IP6K2: variants seen among roughly 807,000 people sequenced by gnomAD.
IP6K2 encodes the protein ATP:1D-myo-inositol-hexakisphosphate phosphotransferase.
In IP6K2, 9 loss-of-function variants were observed where a neutral mutation model predicts 43.3. The observed-to-expected ratio is 0.21, with a 90% confidence interval of 0.13 to 0.36. The LOEUF (loss-of-function observed/expected upper bound fraction) is 0.36. IP6K2 is among the 10% of genes least tolerant of loss of function. IP6K2 has a pLI of 1.00. For missense variants in IP6K2, 332 were observed against 538.4 expected (o/e 0.62, Z 3.79); for synonymous variants, 209 against 202.4 (o/e 1.03, Z -0.28).
At chr3:48,705,800 C>T (rs896906891) in intron 1 of IP6K2, among the ~76,000 whole-genome samples, 1 of 146,646 alleles carries the variant, frequency 6.8e-6, no homozygotes, top group Non-Finnish European at 1.5e-5. Flanking sequence ...CCCAGGAGTT[C>T]GAGACCAGCC....
chr3:48,694,287 C>G, intron 2 of IP6K2: 3 of 1,551,486 alleles, frequency 1.9e-6, no homozygotes, highest in Non-Finnish European at 1.7e-6. Context: ...CCCCAACTCC[C>G]CCATCCCCAC....
rs776248772 is a variant in IP6K2 at position 48,688,630 on chromosome 3, G to C, written c.924C>G (p.Leu308=). The change falls in exon 6 of 6, where the codon CTC becomes CTG. Residue 308 remains leucine (L), a synonymous_variant. Transcript: ENST00000328631. The surrounding 1 kb of genome is among the most constrained non-coding windows in gnomAD (Gnocchi z 5.1). ...YLRRELLGPV[L]KKLTELKAVL... is the part of the protein sequence containing the mutation. Reference sequence around the variant, plus strand: ...CTGCCTTGAGCTCAGTCAGCTTCTTGAGCACAGGGCCCAGGAGTTCACGGC... The same window carrying C: ...CTGCCTTGAGCTCAGTCAGCTTCTTCAGCACAGGGCCCAGGAGTTCACGGC... 2 of 1,614,248 alleles carry C rather than the reference G, an allele frequency of 1.2e-6. No homozygotes were observed. Among genetic ancestry groups the C allele is most frequent in the Non-Finnish European group, 1.7e-6 (2 of 1,180,046 alleles).
In IP6K2 at chr3:48,693,104, T is replaced by C; in HGVS notation, c.278A>G (p.His93Arg). The C allele has an allele frequency of 6.2e-7, 1 of 1,614,270 alleles. No individual in the cohort carries two copies. Among genetic ancestry groups the C allele is most frequent in the Non-Finnish European group, 8.5e-7 (1 of 1,180,048 alleles). ...CLIAYPLKGD[H>R]GIVDIVDNSD... ...ATTATCTACAATGTCCACAATTCCA[T>C]GGTCCCCTTTCAATGGATATGCTAT... Residue 93 changes from histidine to arginine, a missense_variant, in exon 3 of 6, where the codon CAT becomes CGT. Transcript: ENST00000328631.
Position 48,695,524 on chromosome 3 carries a change from C to CT in IP6K2, c.-130-104dup. 1 of 1,286,624 alleles carries CT rather than the reference C, an allele frequency of 7.8e-7. No homozygotes were observed. The highest frequency in any genetic ancestry group is 9.8e-7 in the Non-Finnish European group (1 of 1,015,398). 79.7% of individuals were successfully genotyped at this position (1,286,624 alleles called of 1,614,324 possible). On this transcript the variant is annotated intron_variant, in intron 1 of 5. Transcript: ENST00000328631. The surrounding 1 kb of genome is among the most constrained non-coding windows in gnomAD (Gnocchi z 4.6). ...CAGCAGAAAGACAAAGACAAACAGT[C>CT]TGAGTTCTTGCGGGACTCCGCCCAT...
At chr3:48,691,123 C>G (rs1157564771) in intron 4 of IP6K2, among the ~76,000 whole-genome samples, 184 bp downstream of exon 4, 1 of 152,172 alleles carries the variant, frequency 6.6e-6, no homozygotes, top group Admixed American at 6.5e-5. Flanking sequence ...ACTCCTAGGC[C>G]AGTAGCTGCC....
At chr3:48,697,716 T>C (rs939676020) in intron 1 of IP6K2, among the ~76,000 whole-genome samples, 1 of 152,042 alleles carries the variant, frequency 6.6e-6, no homozygotes, top group African/African-American at 2.4e-5. Context: ...TCTCACTCTG[T>C]CGCCCAGGCT....
intron 1 of IP6K2, among the ~76,000 whole-genome samples, chr3:48,709,408 G>A (rs1025613828): frequency 2.0e-5 from 3 of 152,134 alleles, no homozygotes; most frequent in African/African-American, 7.2e-5. Context: ...TCCTCGCAAG[G>A]GTCTGCAAAC....
chr3:48,699,643 A>G (rs1387962538), intron 1 of IP6K2: 1 of 152,204 alleles, frequency 6.6e-6, no homozygotes, highest in African/African-American at 2.4e-5. Flanking sequence ...CAAGTCTGAT[A>G]AGAAACTTCC....
At chr3:48,702,406 C>T (rs775589782) in intron 1 of IP6K2, among the ~76,000 whole-genome samples, 11 of 150,930 alleles carry the variant, frequency 7.3e-5, no homozygotes, top group Non-Finnish European at 1.5e-4. Flanking sequence ...CCTTGGCTCA[C>T]TCTCTCAACC....
At chr3:48,715,329 C>G (rs761642149) in intron 1 of IP6K2, 1 of 1,536,126 alleles carries the variant, frequency 6.5e-7, no homozygotes. Flanking sequence ...GTAAGCTGGC[C>G]TCAGGGAGGT....
chr3:48,708,906 C>T (rs1407149222), intron 1 of IP6K2, among the ~76,000 whole-genome samples: 1 of 152,108 alleles, frequency 6.6e-6, no homozygotes, highest in African/African-American at 2.4e-5. Flanking sequence ...GACCTTGTCT[C>T]TACAAAAAAT....
intron 4 of IP6K2, among the ~76,000 whole-genome samples, chr3:48,690,917 CT>C (rs371154560): frequency 1.1e-3 from 163 of 152,256 alleles, no homozygotes; most frequent in African/African-American, 3.8e-3. Context: ...TCAGGTCAGT[CT>C]CCTCACCCAA....
At position 48,715,489 on chromosome 3, in the gene IP6K2, A is replaced by C. The variant is rs537031484; in HGVS notation, c.-131+1668T>G. ...CACATTCCACTGCTCAGACAGATACAGGGCTAGCATACAGTGTACCTGTCT... is the reference window on the plus strand; with the variant it reads ...CACATTCCACTGCTCAGACAGATACCGGGCTAGCATACAGTGTACCTGTCT... On this transcript the variant is annotated intron_variant, in intron 1 of 5. Transcript: ENST00000328631. 5 of 1,533,334 alleles carry C rather than the reference A, an allele frequency of 3.3e-6. No individual in the cohort carries two copies. In the South Asian group the frequency reaches 6.0e-5, roughly 18 times the overall value. 95.0% of individuals were successfully genotyped at this position (1,533,334 alleles called of 1,614,324 possible).
intron 1 of IP6K2, among the ~76,000 whole-genome samples, chr3:48,709,785 C>T (rs1296452560): frequency 6.6e-6 from 1 of 150,600 alleles, no homozygotes; most frequent in Non-Finnish European, 1.5e-5. Flanking sequence ...TGCAGTGAGC[C>T]GAGATCGCAC....
At chr3:48,704,887 C>T (rs1559547069) in intron 1 of IP6K2, among the ~76,000 whole-genome samples, 2 of 152,158 alleles carry the variant, frequency 1.3e-5, no homozygotes, top group South Asian at 2.1e-4. Context: ...ATTCTCATGC[C>T]TCAGCCTCCC....
intron 1 of IP6K2, among the ~76,000 whole-genome samples, chr3:48,707,347 A>C (rs1015695458): frequency 6.6e-6 from 1 of 152,242 alleles, no homozygotes; most frequent in Non-Finnish European, 1.5e-5. Context: ...CCAAGTGAGA[A>C]TAACAACCAC....
At chr3:48,703,487 G>C (rs189763630) in intron 1 of IP6K2, among the ~76,000 whole-genome samples, 7 of 146,760 alleles carry the variant, frequency 4.8e-5, no homozygotes, top group Non-Finnish European at 1.1e-4. Context: ...GGTGGATCAC[G>C]AGGTCAGGAG....
chr3:48,715,721 T>TA (rs1374916892), intron 1 of IP6K2, among the ~76,000 whole-genome samples: 1 of 151,072 alleles, frequency 6.6e-6, no homozygotes, highest in Non-Finnish European at 1.5e-5. Flanking sequence ...TCTCTTTTTT[T>TA]TTTTTTTTTT....
chr3:48,705,683 C>T (rs925051901), intron 1 of IP6K2, among the ~76,000 whole-genome samples: 5 of 150,840 alleles, frequency 3.3e-5, no homozygotes, highest in Non-Finnish European at 7.4e-5. Flanking sequence ...ATTCACAAGC[C>T]TTCTCTAAAA....
Sources: allele counts gnomAD v4.1 joint callset (sites outside exome capture counted in the v4.1 genomes callset), GRCh38; gene constraint gnomAD v4.1.1; non-coding constraint Gnocchi (gnomAD v3.1); transcripts MANE v1.5; gene names NCBI Gene and HGNC (gene_info 2026-07-23, HGNC 2026-07-21).